The following HACL1 variants were observed in gnomAD, a reference collection of about 807,000 sequenced individuals.
HACL1 encodes 1600020H07Rik.
Under a neutral mutation model 74.2 loss-of-function variants are expected in HACL1, and 64 were observed. The ratio of observed to expected loss-of-function variants is 0.86; its 90% CI spans 0.70 to 1.06. The LOEUF is 1.06. Ranked by LOEUF, HACL1 falls within the 50% of genes least tolerant of loss-of-function variation. The pLI is 0.00. For synonymous variants in HACL1, 230 were observed against 238.8 expected, an observed-to-expected ratio of 0.96 and a Z score of 0.34; for missense variants, 728 against 719.7, an observed-to-expected ratio of 1.01 and a Z score of -0.13.
intron 2 of HACL1, among the ~76,000 whole-genome samples, chr3:15,599,572 C>T (rs765777303): frequency 6.6e-5 from 10 of 152,144 alleles, no homozygotes; most frequent in Non-Finnish European, 1.5e-4. Context: ...AACCTACCTA[C>T]CAGTCTCACA....
At position 15,601,026 on chromosome 3, in the gene HACL1, G is replaced by A; in HGVS notation, c.186+64C>T. On this transcript the variant is annotated intron_variant, in intron 2 of 16. Coordinates refer to ENST00000321169, the MANE Select transcript of HACL1 (RefSeq NM_012260.4). ...TAAGCGCTATCTGGGTGTTTGCAAT[G>A]CATACCTACCGCTATTACTGATCAT... The A allele has an allele frequency of 4.2e-6, 4 of 961,084 alleles. No individual in the cohort carries two copies. In the East Asian group the frequency reaches 7.2e-5, roughly 17 times the overall value. The allele number at this position is 961,084 out of a possible 1,614,324, so 59.5% of individuals were successfully genotyped here.
chr3:15,588,111 C>G (rs1031645193), intron 5 of HACL1, among the ~76,000 whole-genome samples: 3 of 141,066 alleles, frequency 2.1e-5, no homozygotes, highest in Admixed American at 6.9e-5. Context: ...CCAGGCTGGT[C>G]TCAAACTCCT....
chr3:15,569,141 G>A (rs1242703027), intron 12 of HACL1, among the ~76,000 whole-genome samples: 2 of 152,098 alleles, frequency 1.3e-5, no homozygotes, highest in Non-Finnish European at 2.9e-5. Flanking sequence ...CAAGGTAAAC[G>A]CCTTTGTCTA....
At chr3:15,595,604 C>CTTTTTT (rs764183329) in intron 3 of HACL1, among the ~76,000 whole-genome samples, 5 of 97,324 alleles carry the variant, frequency 5.1e-5, no homozygotes, top group Admixed American at 1.3e-4. Flanking sequence ...ATCTTTTTTC[C>CTTTTTT]TTTTTTTTTT....
intron 9 of HACL1, among the ~76,000 whole-genome samples, chr3:15,578,423 T>G (rs1459151782): frequency 6.6e-6 from 1 of 152,162 alleles, no homozygotes; most frequent in Non-Finnish European, 1.5e-5. Flanking sequence ...CCAGCCAAGA[T>G]TGGCTAAGTT....
rs41284037 is a variant in HACL1, at chr3:15,601,337, C to A, written c.81+46G>T. 2.4e-5 allele frequency: 39 copies of A among 1,611,648 alleles called. No homozygotes were observed. In the East Asian group the frequency reaches 8.0e-4, roughly 33 times the overall value. ...GTCTCCAAGACAACATCGCGGTCCC[C>A]GCCAGCTTCCGTAGGAGCCTTTCAT... On this transcript the variant is annotated intron_variant, in intron 1 of 16. Coordinates refer to ENST00000321169, the MANE Select transcript of HACL1 (RefSeq NM_012260.4).
intron 14 of HACL1, among the ~76,000 whole-genome samples, chr3:15,565,101 G>A (rs1237860758): frequency 6.6e-6 from 1 of 151,886 alleles, no homozygotes; most frequent in African/African-American, 2.4e-5. Context: ...GGAGGCGGAG[G>A]TTGCAGTGAG....
chr3:15,573,497 T>C (rs1222304387), intron 10 of HACL1, among the ~76,000 whole-genome samples: 19 of 152,228 alleles, frequency 1.2e-4, no homozygotes, highest in South Asian at 6.2e-4. Flanking sequence ...ATTATACCCA[T>C]AGGGAATGCA....
At chr3:15,588,861 C>T (rs2063841656) in intron 5 of HACL1, among the ~76,000 whole-genome samples, 1 of 151,662 alleles carries the variant, frequency 6.6e-6, no homozygotes, top group Admixed American at 6.6e-5. Context: ...CCAGAGTCTA[C>T]TGATAATCAT....
intron 7 of HACL1, among the ~76,000 whole-genome samples, chr3:15,584,512 C>G (rs994122793): frequency 6.6e-6 from 1 of 152,080 alleles, no homozygotes; most frequent in African/African-American, 2.4e-5. Flanking sequence ...CGCTTGAACC[C>G]AGGAGGCAGA....
chr3:15,564,927 G>T (rs1263707668), intron 14 of HACL1, among the ~76,000 whole-genome samples: 1 of 152,198 alleles, frequency 6.6e-6, no homozygotes, highest in African/African-American at 2.4e-5. Context: ...AGCACTTTGG[G>T]AGGCTGAGGT....
chr3:15,601,262 C>G lies in HACL1; in HGVS notation c.82-68G>C, dbSNP rs540716739. On this transcript the variant is annotated intron_variant, in intron 1 of 16. Coordinates refer to ENST00000321169, the MANE Select transcript of HACL1 (RefSeq NM_012260.4). The stretch of plus-strand genomic sequence containing the variant: ...CATATCGCCACATCCTTCCCTCCCT[C>G]CCGGGCGCTAAAAGGAAAACCCCCC... 2.6e-5 allele frequency: 40 copies of G among 1,544,814 alleles called. No homozygotes were observed. In the East Asian group the frequency reaches 8.1e-4, roughly 31 times the overall value.
At chr3:15,601,361 A>G in intron 1 of HACL1, 22 bp downstream of exon 1, 1 of 1,613,790 alleles carries the variant, frequency 6.2e-7, no homozygotes, top group South Asian at 1.1e-5. Flanking sequence ...GGAGCCTTTC[A>G]TTCCAGGAAG....
intron 16 of HACL1, among the ~76,000 whole-genome samples, chr3:15,562,653 G>C (rs2063363183): frequency 6.6e-6 from 1 of 152,200 alleles, no homozygotes; most frequent in Non-Finnish European, 1.5e-5. Context: ...GAGGCGGCAA[G>C]TGGCAGAACC....
chr3:15,588,768 A>G (rs983675119), intron 5 of HACL1, among the ~76,000 whole-genome samples: 3 of 148,582 alleles, frequency 2.0e-5, no homozygotes, highest in African/African-American at 7.2e-5. Context: ...TTAAAACTGT[A>G]GCATTTTGTT....
chr3:15,591,909 TGTATATAGTGTATATATACGTATATAC>T (rs2063905555), intron 3 of HACL1, among the ~76,000 whole-genome samples: 1 of 150,442 alleles, frequency 6.6e-6, no homozygotes, highest in Non-Finnish European at 1.5e-5. Context: ...ACACTATATA[TGTATATAGTGTATATATACGTATATAC>T]GTGTATATAT....
Position 15,570,771 on chromosome 3 carries a change from C to CT in HACL1, c.1095+896_1095+897insA, listed in dbSNP as rs780203579. On this transcript the variant is annotated intron_variant, in intron 12 of 16. Transcript: ENST00000321169. ...CAAAACCTTAGCTACCAGGCAAAGC[C>CT]AAGAGTGCAAATGAGAGCGCTGCAA... Among the ~76,000 whole-genome samples the CT allele has an allele frequency of 7.6e-4, 115 of 151,840 alleles. 1 individual carries two copies. The highest frequency in any genetic ancestry group is 1.4e-3 in the Non-Finnish European group (97 of 67,920).
chr3:15,600,568 A>G (rs1347030286), intron 2 of HACL1, among the ~76,000 whole-genome samples: 1 of 152,220 alleles, frequency 6.6e-6, no homozygotes, highest in Non-Finnish European at 1.5e-5. Flanking sequence ...CTGAGTTTCC[A>G]TCAAGGCACT....
intron 3 of HACL1, among the ~76,000 whole-genome samples, chr3:15,593,782 G>GTTTTTT (rs200160002): frequency 2.4e-5 from 3 of 123,736 alleles, no homozygotes; most frequent in Admixed American, 8.0e-5. Flanking sequence ...AATGTTTTGT[G>GTTTTTT]TTTTTTTTTT....
Sources: gnomAD v4.1 joint callset for allele counts (sites outside exome capture counted in the v4.1 genomes callset) on GRCh38, gnomAD v4.1.1 for gene constraint, MANE v1.5 for transcripts, NCBI Gene and HGNC (gene_info 2026-07-23, HGNC 2026-07-21) for gene names.